CAMTA1: variants seen among roughly 807,000 people sequenced by gnomAD.
CAMTA1 encodes the protein calmodulin-binding transcription activator 1.
In CAMTA1, 27 loss-of-function variants were observed where a neutral mutation model predicts 170.9. The observed-to-expected ratio is 0.16, with a 90% CI of 0.12 to 0.22. The LOEUF (loss-of-function observed/expected upper bound fraction) is 0.22. CAMTA1 is among the 10% of genes least tolerant of loss of function. The pLI is 1.00. For synonymous variants in CAMTA1, 833 were observed against 891.5 expected (o/e 0.93, Z 1.17); for missense variants, 1,619 against 2,217.2 (o/e 0.73, Z 5.42).
At chr1:7,408,234 G>T (rs774339106) in intron 5 of CAMTA1, among the ~76,000 whole-genome samples, 1 of 152,214 alleles carries the variant, frequency 6.6e-6, no homozygotes, top group Admixed American at 6.5e-5. Context: ...TGGCGGGGCA[G>T]ACAGAGACTC....
Position 7,139,908 on chromosome 1 carries a change from C to T in CAMTA1, c.302+48537C>T, listed in dbSNP as rs548729565. 5.3e-5 allele frequency among the ~76,000 whole-genome samples: 8 copies of T among 152,304 alleles called. No homozygotes were observed. In the East Asian group the frequency reaches 1.2e-3, roughly 22 times the overall value. On this transcript the variant is annotated intron_variant, in intron 4 of 22. Transcript: ENST00000303635. Reference sequence around the variant, plus strand: ...AGGGAAAGTGGCTGGCTCATTCAGCCACAGTGTAGCATTGGCATTTAAAAA... The same window carrying T: ...AGGGAAAGTGGCTGGCTCATTCAGCTACAGTGTAGCATTGGCATTTAAAAA...
chr1:7,117,096 A>G (rs1299357532), intron 4 of CAMTA1, among the ~76,000 whole-genome samples: 1 of 150,246 alleles, frequency 6.7e-6, no homozygotes, highest in Non-Finnish European at 1.5e-5. Flanking sequence ...TCAGCCTCCC[A>G]AGTAGCTGGG....
chr1:7,013,701 C>T (rs1000723427), intron 3 of CAMTA1, among the ~76,000 whole-genome samples: 2 of 152,098 alleles, frequency 1.3e-5, no homozygotes, highest in Non-Finnish European at 2.9e-5. Context: ...GACTCACCGC[C>T]CCCCTGGTGT....
intron 3 of CAMTA1, among the ~76,000 whole-genome samples, chr1:6,876,575 C>T (rs896727903): frequency 1.4e-4 from 21 of 152,100 alleles, no homozygotes; most frequent in African/African-American, 4.8e-4. Context: ...GTTGGCTAGG[C>T]TGGTCTCGAA....
chr1:7,664,651 G>C lies in CAMTA1; in HGVS notation c.2104G>C (p.Glu702Gln), dbSNP rs752430411. The change falls in exon 9 of 23, where the codon GAG becomes CAG. Residue 702 changes from glutamate (E) to glutamine (Q), a missense_variant. By Grantham distance (29) the Glu-to-Gln change is conservative (BLOSUM62 2). Around this residue, in one of 8 missense-constraint regions of CAMTA1, gnomAD observed 731 missense variants for 907.6 expected, o/e 0.81. Coordinates refer to ENST00000303635, the MANE Select transcript of CAMTA1 (RefSeq NM_015215.4). ...METSQAAEGS[E>Q]VLLKSGELQA... ...GACCTCGCAGGCGGCGGAAGGGAGC[G>C]AGGTCCTGCTCAAGTCTGGGGAGCT... is the stretch of plus-strand genomic sequence containing the variant. 1.2e-6 allele frequency: 2 copies of C among 1,606,470 alleles called. No individual in the cohort carries two copies. Among genetic ancestry groups the C allele is most frequent in the South Asian group, 2.2e-5 (2 of 90,904 alleles).
At chr1:7,657,551 C>T (rs948176443) in intron 7 of CAMTA1, among the ~76,000 whole-genome samples, 8 of 152,196 alleles carry the variant, frequency 5.3e-5, no homozygotes, top group African/African-American at 1.9e-4. Context: ...TTCCCTTTTG[C>T]TGCTTTAAAA....
intron 11 of CAMTA1, among the ~76,000 whole-genome samples, chr1:7,702,635 CAAG>C (rs2096454065): frequency 6.6e-6 from 1 of 152,184 alleles, no homozygotes; most frequent in Non-Finnish European, 1.5e-5. Flanking sequence ...TTCTTGTTCT[CAAG>C]GAGATGAGGG....
intron 5 of CAMTA1, among the ~76,000 whole-genome samples, chr1:7,274,055 T>C (rs1228650826): frequency 6.6e-6 from 1 of 152,008 alleles, no homozygotes; most frequent in African/African-American, 2.4e-5. Flanking sequence ...AAGAGGAATA[T>C]GAAACAGGAC....
At chr1:7,316,137 A>T (rs1677468799) in intron 5 of CAMTA1, among the ~76,000 whole-genome samples, 1 of 152,148 alleles carries the variant, frequency 6.6e-6, no homozygotes, top group Admixed American at 6.5e-5. Flanking sequence ...GGGGGAAACA[A>T]CCTGCGGTGA....
intron 6 of CAMTA1, among the ~76,000 whole-genome samples, chr1:7,478,045 C>T (rs959334658): frequency 2.0e-5 from 3 of 152,196 alleles, no homozygotes; most frequent in Admixed American, 2.0e-4. Context: ...AAATACCTCC[C>T]TCCTGAGCTG....
At chr1:7,307,806 A>C (rs72641292) in intron 5 of CAMTA1, among the ~76,000 whole-genome samples, 3,939 of 151,968 alleles carry the variant, frequency 0.026, 72 homozygotes, top group Non-Finnish European at 0.041. Flanking sequence ...ATATTGGTTT[A>C]TAGTTTTCTT....
chr1:7,611,628 A>T (rs1483901516), intron 6 of CAMTA1, among the ~76,000 whole-genome samples: 2 of 152,216 alleles, frequency 1.3e-5, no homozygotes, highest in African/African-American at 4.8e-5. Context: ...TGCCAACAAG[A>T]GTCTGACAAG....
chr1:7,260,362 G>A (rs952964741), intron 5 of CAMTA1, among the ~76,000 whole-genome samples: 3 of 152,158 alleles, frequency 2.0e-5, no homozygotes, highest in Non-Finnish European at 4.4e-5. Context: ...GTGAGGTTAG[G>A]GTTTCTTCTT....
intron 7 of CAMTA1, among the ~76,000 whole-genome samples, chr1:7,653,065 T>A (rs2095857964): frequency 6.6e-6 from 1 of 152,182 alleles, no homozygotes; most frequent in South Asian, 2.1e-4. Context: ...AGGACGTGGA[T>A]GCTGGGCCCC....
chr1:7,640,659 GC>G, intron 7 of CAMTA1, 106 bp downstream of exon 7: 5 of 1,299,820 alleles, frequency 3.8e-6, no homozygotes, highest in Non-Finnish European at 4.4e-6. Flanking sequence ...CGGGTCCGGA[GC>G]CCCATCTTGC....
intron 3 of CAMTA1, among the ~76,000 whole-genome samples, chr1:6,988,705 G>A (rs1204809504): frequency 3.3e-5 from 5 of 152,058 alleles, no homozygotes; most frequent in African/African-American, 7.2e-5. Flanking sequence ...CCCGTCCAAC[G>A]GGTTGGGCCG....
At chr1:7,349,104 C>T (rs576579442) in intron 5 of CAMTA1, among the ~76,000 whole-genome samples, 1 of 152,198 alleles carries the variant, frequency 6.6e-6, no homozygotes, top group Non-Finnish European at 1.5e-5. Flanking sequence ...GACGGCAAAT[C>T]CGAGCTGTGA....
chr1:7,249,665 A>G lies in CAMTA1; in HGVS notation c.438+39A>G, dbSNP rs1666329887. On this transcript the variant is annotated intron_variant, in intron 5 of 22. Transcript: ENST00000303635. This position sits in a 1 kb window ranked among gnomAD's most constrained non-coding sequence, Gnocchi z 4.4. The stretch of plus-strand genomic sequence containing the variant: ...AAGGTTCCCTTGGTGCACAAATGTC[A>G]TTTGCAGGCTGCAGTGGAGAATGGA... 5.6e-6 allele frequency: 9 copies of G among 1,606,578 alleles called. No individual in the cohort carries two copies. The highest frequency in any genetic ancestry group is 1.7e-4 in the Middle Eastern group (1 of 6,058).
intron 11 of CAMTA1, among the ~76,000 whole-genome samples, chr1:7,725,072 G>A (rs1040787692): frequency 3.3e-5 from 5 of 152,160 alleles, no homozygotes; most frequent in African/African-American, 9.7e-5. Flanking sequence ...GGGAGAAGAG[G>A]TTCATGAAGA....
Sources: gnomAD v4.1 joint callset for allele counts (sites outside exome capture counted in the v4.1 genomes callset) on GRCh38, gnomAD v4.1.1 for gene constraint, gnomAD v4.1.1 regional missense constraint, Gnocchi (gnomAD v3.1) non-coding constraint, MANE v1.5 for transcripts, NCBI Gene and HGNC (gene_info 2026-07-23, HGNC 2026-07-21) for gene names.